Variants in NPIPB11 observed in about 807,000 individuals in gnomAD.
NPIPB11 encodes the protein nuclear pore complex interacting protein family member B11, also known as nuclear pore complex-interacting protein family member B11.
In NPIPB11, 17 loss-of-function variants were observed where a neutral mutation model predicts 32.8. The observed-to-expected ratio is 0.52, with a 90% CI of 0.35 to 0.78. The LOEUF is 0.78. Ranked by LOEUF, NPIPB11 falls within the 30% of genes least tolerant of loss-of-function variation. NPIPB11 has a pLI of 0.01. For synonymous variants in NPIPB11, 209 were observed against 398.4 expected, an observed-to-expected ratio of 0.52 and a Z score of 5.66; for missense variants, 537 against 1,000.4, an observed-to-expected ratio of 0.54 and a Z score of 6.25.
intron 3 of NPIPB11, among the ~76,000 whole-genome samples, chr16:29,391,376 G>A (rs1596676291): frequency 1.4e-5 from 2 of 147,978 alleles, no homozygotes; most frequent in South Asian, 4.4e-4. Flanking sequence ...AGGTTAACAT[G>A]TTTCACAACT....
At chr16:29,400,931 TC>T (rs1963974110) in intron 2 of NPIPB11, among the ~76,000 whole-genome samples, 1 of 151,622 alleles carries the variant, frequency 6.6e-6, no homozygotes, top group Non-Finnish European at 1.5e-5. Flanking sequence ...CACAGACGAT[TC>T]CCTGTCCCTT....
At chr16:29,396,515 G>A (rs1203398238) in intron 2 of NPIPB11, among the ~76,000 whole-genome samples, 10 of 150,750 alleles carry the variant, frequency 6.6e-5, no homozygotes, top group East Asian at 3.9e-4. Context: ...TAATCCCAAC[G>A]CTTTGGGAGG....
At chr16:29,396,017 A>G (rs554036100) in intron 2 of NPIPB11, among the ~76,000 whole-genome samples, 170 of 150,284 alleles carry the variant, frequency 1.1e-3, no homozygotes, top group Non-Finnish European at 2.0e-3. Context: ...GATCATGAAA[A>G]TGGCATGAAT....
chr16:29,397,670 G>T, intron 2 of NPIPB11: 1 of 1,294,496 alleles, frequency 7.7e-7, no homozygotes, highest in East Asian at 2.7e-5. Context: ...GCGCCCTGAG[G>T]CGTCCAGGAC....
At chr16:29,383,092 G>T (rs775778560) in exon 8 of NPIPB11, 2 of 1,598,154 alleles carry the variant, frequency 1.3e-6, no homozygotes, top group Non-Finnish European at 1.7e-6. Context: ...TGAGGGTGGA[G>T]CTGAGGGTGG....
upstream of NPIPB11, among the ~76,000 whole-genome samples, chr16:29,405,165 G>C (rs952236868): frequency 1.3e-5 from 2 of 152,038 alleles, no homozygotes; most frequent in Non-Finnish European, 2.9e-5. Flanking sequence ...TGCAAATGTT[G>C]CATCATATTT....
exon 8 of NPIPB11, chr16:29,382,879 G>C: frequency 3.9e-6 from 1 of 256,724 alleles, no homozygotes; most frequent in Non-Finnish European, 7.5e-6. Context: ...CTCGGAAGGT[G>C]TCTTGAGATT....
exon 8 of NPIPB11, chr16:29,383,357 G>A (rs79347544): frequency 9.4e-6 from 13 of 1,381,680 alleles, no homozygotes; most frequent in African/African-American, 2.6e-5. Context: ...AGGGTGGAAG[G>A]GGAGTGAGCT....
At chr16:29,395,583 A>G (rs1334200506) in intron 2 of NPIPB11, among the ~76,000 whole-genome samples, 2 of 124,836 alleles carry the variant, frequency 1.6e-5, no homozygotes, top group Non-Finnish European at 1.6e-5. Context: ...CTTGGATTAT[A>G]TGAATCTTTG....
chr16:29,402,744 G>C (rs1445499733), intron 2 of NPIPB11, among the ~76,000 whole-genome samples: 82 of 150,848 alleles, frequency 5.4e-4, no homozygotes, highest in African/African-American at 1.0e-3. Flanking sequence ...GTGTGTGTGT[G>C]TGTGTGTGTG....
rs1275719253 is a variant in NPIPB11 at position 29,390,406 on chromosome 16, C to A, written c.250-58G>T. The A allele has an allele frequency of 6.3e-6, 10 of 1,594,520 alleles. No individual in the cohort carries two copies. The Admixed American group carries it at 1.3e-4, about 21-fold the overall frequency. On this transcript the variant is annotated intron_variant, in intron 3 of 7. Transcript: ENST00000524087. ...GCACGGTGGCTCATGCGTATAATCC[C>A]AGTACTTCGGGAAGCTGAGGCAGGT...
chr16:29,398,033 G>A (rs1343145639), intron 2 of NPIPB11, among the ~76,000 whole-genome samples: 5 of 80,438 alleles, frequency 6.2e-5, no homozygotes, highest in Admixed American at 1.3e-4. Context: ...AACCTTCTTC[G>A]GTCTGGGCCC....
In NPIPB11 at chr16:29,398,925, G is replaced by C. The variant is rs572159294; in HGVS notation, c.120+4758C>G. Among the ~76,000 whole-genome samples the C allele has an allele frequency of 1.4e-3, 210 of 151,876 alleles. 1 individual carries two copies. The highest frequency in any genetic ancestry group is 4.7e-3 in the African/African-American group (194 of 41,366). ...TATCTATAATCATCTTACTGCCTGT[G>C]TGTGTGGACTTTAAATTCTGAACCC... On this transcript the variant is annotated intron_variant, in intron 2 of 7. Coordinates refer to ENST00000524087, the Ensembl canonical transcript of NPIPB11.
intron 3 of NPIPB11, among the ~76,000 whole-genome samples, chr16:29,390,852 A>C (rs895736685): frequency 1.3e-5 from 2 of 150,622 alleles, no homozygotes; most frequent in Admixed American, 1.3e-4. Flanking sequence ...AATCCCAGCT[A>C]GTCGGGAGGT....
chr16:29,392,012 C>A (rs1328458445), intron 3 of NPIPB11, among the ~76,000 whole-genome samples: 4 of 152,100 alleles, frequency 2.6e-5, no homozygotes, highest in African/African-American at 9.7e-5. Flanking sequence ...TGAGCCACCA[C>A]ACCTGGCCTG....
chr16:29,394,428 TC>T (rs1205580430), intron 2 of NPIPB11, among the ~76,000 whole-genome samples: 6 of 114,728 alleles, frequency 5.2e-5, no homozygotes, highest in Non-Finnish European at 7.4e-5. Flanking sequence ...AAAAAAAACC[TC>T]TTTTTTTTTT....
At chr16:29,392,270 G>T (rs1448315749) in intron 3 of NPIPB11, among the ~76,000 whole-genome samples, 1 of 152,114 alleles carries the variant, frequency 6.6e-6, no homozygotes, top group Non-Finnish European at 1.5e-5. Context: ...ATGCATGAAT[G>T]CTTCATGGCA....
At chr16:29,392,141 A>C (rs1963737888) in intron 3 of NPIPB11, among the ~76,000 whole-genome samples, 1 of 151,772 alleles carries the variant, frequency 6.6e-6, no homozygotes, top group African/African-American at 2.4e-5. Context: ...AAAGATGAAA[A>C]GAGCAACCAC....
intron 2 of NPIPB11, among the ~76,000 whole-genome samples, chr16:29,397,946 C>A (rs1001425689): frequency 1.4e-4 from 13 of 93,252 alleles, no homozygotes; most frequent in Non-Finnish European, 2.7e-4. Flanking sequence ...ATCAGGGAAG[C>A]AACAGGACAC....
Sources: gnomAD v4.1 joint callset for allele counts (sites outside exome capture counted in the v4.1 genomes callset) on GRCh38, gnomAD v4.1.1 for gene constraint, MANE v1.5 for transcripts, NCBI Gene and HGNC (gene_info 2026-07-23, HGNC 2026-07-21) for gene names.